VPS13B: variants seen among roughly 807,000 people sequenced by gnomAD.
VPS13B encodes intermembrane lipid transfer protein VPS13B.
VPS13B carries 285 observed loss-of-function variants against 426.4 expected under a neutral mutation model. The ratio of observed to expected loss-of-function variants is 0.67; its 90% CI spans 0.61 to 0.74. The LOEUF (loss-of-function observed/expected upper bound fraction) is 0.74. VPS13B is among the 30% of genes least tolerant of loss of function. VPS13B has a pLI of 0.00. For missense variants in VPS13B, 4,537 were observed against 4,782.6 expected (o/e 0.95, Z 1.51); for synonymous variants, 1,676 against 1,676.4 (o/e 1.00, Z 0.01).
intron 19 of VPS13B, among the ~76,000 whole-genome samples, chr8:99,279,060 C>T (rs777055183): frequency 5.3e-5 from 8 of 152,060 alleles, no homozygotes; most frequent in African/African-American, 9.7e-5. Flanking sequence ...GTGACTATAA[C>T]TGACATAATT....
At position 99,699,613 on chromosome 8, in the gene VPS13B, A is replaced by G; in HGVS notation, c.6135A>G (p.Ile2045Met). Residue 2045 changes from isoleucine (I) to methionine (M), a missense_variant, in exon 36 of 62, where the codon ATA becomes ATG. Around this residue, in one of 2 missense-constraint regions of VPS13B, gnomAD observed 4,311 missense variants for 4,474.3 expected, o/e 0.96. Transcript: ENST00000357162. ...AGATAAACCTTTTTTTAAAGAAGAT[A>G]AAAAATGCACACAGTTTGGCACATA... ...LDQINLFLKK[I>M]KNAHSLAHSE... 3 of 1,614,168 alleles carry G rather than the reference A, an allele frequency of 1.9e-6. No individual in the cohort carries two copies. The highest frequency in any genetic ancestry group is 2.5e-6 in the Non-Finnish European group (3 of 1,180,016).
At chr8:99,397,463 AC>A (rs1814797173) in intron 21 of VPS13B, among the ~76,000 whole-genome samples, 2 of 152,170 alleles carry the variant, frequency 1.3e-5, no homozygotes, top group African/African-American at 4.8e-5. Context: ...ATTTCTAATT[AC>A]ATTTTTTTGC....
chr8:99,055,157 A>C (rs1306652018), intron 3 of VPS13B, among the ~76,000 whole-genome samples: 1 of 151,192 alleles, frequency 6.6e-6, no homozygotes, highest in African/African-American at 2.4e-5. Flanking sequence ...TCCAGCCTTA[A>C]CTTCCTGAGT....
intron 17 of VPS13B, among the ~76,000 whole-genome samples, chr8:99,200,270 C>A (rs1197677654): frequency 6.6e-6 from 1 of 152,108 alleles, no homozygotes; most frequent in East Asian, 1.9e-4. Flanking sequence ...TCCATTTTAT[C>A]CATATACCAT....
chr8:99,162,030 G>A (rs112694276), intron 15 of VPS13B, among the ~76,000 whole-genome samples: 247 of 152,088 alleles, frequency 1.6e-3, no homozygotes, highest in African/African-American at 5.0e-3. Flanking sequence ...CACTGCGTCC[G>A]GCCAAGAATA....
At chr8:99,570,001 A>G (rs1450851419) in intron 31 of VPS13B, among the ~76,000 whole-genome samples, 1 of 152,242 alleles carries the variant, frequency 6.6e-6, no homozygotes, top group East Asian at 1.9e-4. Context: ...TGGACAATAT[A>G]GACATACATT....
intron 24 of VPS13B, among the ~76,000 whole-genome samples, chr8:99,476,607 G>A (rs1225387782): frequency 6.6e-6 from 1 of 151,778 alleles, no homozygotes; most frequent in Non-Finnish European, 1.5e-5. Flanking sequence ...TACGTTCAGG[G>A]GAACCAAGAT....
chr8:99,171,413 A>G (rs946411024), intron 16 of VPS13B, among the ~76,000 whole-genome samples: 1 of 151,990 alleles, frequency 6.6e-6, no homozygotes, highest in Non-Finnish European at 1.5e-5. Flanking sequence ...TATCATTTCT[A>G]GGACCAAAAT....
chr8:99,582,200 A>G (rs930485828), intron 33 of VPS13B, among the ~76,000 whole-genome samples: 2 of 152,160 alleles, frequency 1.3e-5, no homozygotes, highest in Non-Finnish European at 2.9e-5. Context: ...TTATATAATC[A>G]TGGGCATTAG....
intron 30 of VPS13B, among the ~76,000 whole-genome samples, chr8:99,556,238 A>T (rs1424206946): frequency 1.3e-5 from 2 of 152,126 alleles, no homozygotes; most frequent in Non-Finnish European, 2.9e-5. Context: ...TATAGTGTAG[A>T]TTACTGTAAG....
intron 31 of VPS13B, among the ~76,000 whole-genome samples, chr8:99,574,806 G>C (rs1825690316): frequency 6.6e-6 from 1 of 152,044 alleles, no homozygotes; most frequent in South Asian, 2.1e-4. Context: ...ATAATAATGG[G>C]GCTATTAACA....
chr8:99,595,674 A>C (rs963339312), intron 33 of VPS13B, among the ~76,000 whole-genome samples: 1 of 151,958 alleles, frequency 6.6e-6, no homozygotes, highest in Admixed American at 6.6e-5. Context: ...TCACCCAGAA[A>C]GTGAAAAGAC....
intron 30 of VPS13B, among the ~76,000 whole-genome samples, chr8:99,521,620 G>T (rs1047068514): frequency 2.6e-5 from 4 of 152,168 alleles, no homozygotes; most frequent in Admixed American, 6.5e-5. Context: ...ACTGAAGTTG[G>T]CACTGCTGCC....
intron 31 of VPS13B, among the ~76,000 whole-genome samples, chr8:99,573,780 A>T (rs1458941842): frequency 3.3e-5 from 5 of 152,008 alleles, no homozygotes; most frequent in Admixed American, 6.6e-5. Flanking sequence ...CTTGGCAATG[A>T]GGGCTCTTTT....
intron 19 of VPS13B, among the ~76,000 whole-genome samples, chr8:99,375,589 T>C (rs1478865066): frequency 2.0e-5 from 3 of 152,240 alleles, no homozygotes; most frequent in Non-Finnish European, 4.4e-5. Context: ...TGGCAGCTCA[T>C]CACTGCTCTT....
chr8:99,500,386 T>C (rs1488426986), intron 25 of VPS13B, among the ~76,000 whole-genome samples: 1 of 152,138 alleles, frequency 6.6e-6, no homozygotes, highest in African/African-American at 2.4e-5. Context: ...TAAGCATTAG[T>C]TCAACTTGAT....
chr8:99,651,693 T>A (rs1829819424), intron 34 of VPS13B, among the ~76,000 whole-genome samples: 1 of 152,182 alleles, frequency 6.6e-6, no homozygotes, highest in Non-Finnish European at 1.5e-5. Context: ...TTGTTTTGTT[T>A]AAGGTAATGG....
intron 33 of VPS13B, among the ~76,000 whole-genome samples, chr8:99,633,197 T>C (rs1026028183): frequency 1.3e-5 from 2 of 152,028 alleles, no homozygotes; most frequent in Non-Finnish European, 2.9e-5. Flanking sequence ...AGTAATCAAA[T>C]AAGGATTTGT....
intron 30 of VPS13B, among the ~76,000 whole-genome samples, chr8:99,553,988 T>C (rs955177637): frequency 6.6e-6 from 1 of 151,964 alleles, no homozygotes; most frequent in African/African-American, 2.4e-5. Flanking sequence ...TGGGAAATAA[T>C]TGATAAATGA....
Sources: gnomAD v4.1 joint callset for allele counts (sites outside exome capture counted in the v4.1 genomes callset) on GRCh38, gnomAD v4.1.1 for gene constraint, gnomAD v4.1.1 regional missense constraint, MANE v1.5 for transcripts, NCBI Gene and HGNC (gene_info 2026-07-23, HGNC 2026-07-21) for gene names.